NSMAF: variants seen among roughly 807,000 people sequenced by gnomAD.
The protein encoded by NSMAF is protein FAN.
A neutral mutation model predicts 134.9 loss-of-function variants in NSMAF; 90 were observed. The ratio of observed to expected loss-of-function variants is 0.67; its 90% CI spans 0.56 to 0.79. The LOEUF (loss-of-function observed/expected upper bound fraction) is 0.79. NSMAF is among the 30% of genes least tolerant of loss of function. The pLI is 0.00. For synonymous variants in NSMAF, 358 were observed against 389.6 expected (o/e 0.92, Z 0.96); for missense variants, 1,010 against 1,119.0 (o/e 0.90, Z 1.39).
chr8:58,625,218 C>T (rs1806898072), intron 6 of NSMAF, among the ~76,000 whole-genome samples: 1 of 152,202 alleles, frequency 6.6e-6, no homozygotes, highest in South Asian at 2.1e-4. Flanking sequence ...TTCAGACTTG[C>T]ATTCAGACTC....
intron 1 of NSMAF, among the ~76,000 whole-genome samples, chr8:58,655,972 T>C (rs1807698685): frequency 6.6e-6 from 1 of 152,066 alleles, no homozygotes; most frequent in East Asian, 1.9e-4. Context: ...GCACAGGACA[T>C]TTTTAAAAAA....
Position 58,586,102 on chromosome 8 carries a change from CG to C in NSMAF, c.2447-103del, listed in dbSNP as rs1335477093. The stretch of plus-strand genomic sequence containing the variant: ...AGTCCAGTGGCCTAATCTCCACATT[CG>C]TTTTCTTCAAAATCCTTGTACTTAA... On this transcript the variant is annotated intron_variant, in intron 28 of 30. Transcript: ENST00000038176. The C allele has an allele frequency of 6.6e-6, 6 of 904,604 alleles. No individual in the cohort carries two copies. In the East Asian group the frequency reaches 1.4e-4, roughly 22 times the overall value. 56.0% of individuals were successfully genotyped at this position (904,604 alleles called of 1,614,324 possible).
At chr8:58,639,083 C>G (rs151337681) in intron 2 of NSMAF, among the ~76,000 whole-genome samples, 4,118 of 152,068 alleles carry the variant, frequency 0.027, 204 homozygotes, top group African/African-American at 0.093. Context: ...AGGAGATCGA[C>G]ACCATCCTGG....
In NSMAF at chr8:58,585,693, A is replaced by G; in HGVS notation, c.2618T>C (p.Leu873Pro). 1 of 1,614,124 alleles carries G rather than the reference A, an allele frequency of 6.2e-7. No individual in the cohort carries two copies. Among genetic ancestry groups the G allele is most frequent in the Non-Finnish European group, 8.5e-7 (1 of 1,179,974 alleles). Residue 873 changes from leucine to proline, a missense_variant, in exon 30 of 31, where the codon CTC becomes CCC. By Grantham distance (98) the Leu-to-Pro change is moderately conservative. Coordinates refer to ENST00000038176, the MANE Select transcript of NSMAF (RefSeq NM_003580.4). ...TCTCTCACTGATTTTTGCTCCAAGG[A>G]GGTCCCAAACGAGCAGTTCACCAGA... Reference protein sequence around the residue: ...SQSGELLVWDLLGAKISERIQ... With the variant: ...SQSGELLVWDPLGAKISERIQ...
intron 2 of NSMAF, 50 bp from the exon 3 acceptor site, chr8:58,635,596 A>C: frequency 8.9e-7 from 1 of 1,126,220 alleles, no homozygotes; most frequent in Non-Finnish European, 1.3e-6. Flanking sequence ...CAAAAATCAC[A>C]AGATAATCAT....
chr8:58,639,995 AG>A (rs1294700390), intron 2 of NSMAF: 1 of 439,996 alleles, frequency 2.3e-6, no homozygotes, highest in Non-Finnish European at 4.6e-6. Flanking sequence ...GAAAGCTCAG[AG>A]CTTTGTTCAG....
At chr8:58,586,319 G>C in intron 28 of NSMAF, 139 bp downstream of exon 28, 1 of 828,370 alleles carries the variant, frequency 1.2e-6, no homozygotes, top group South Asian at 1.7e-5. Context: ...AGCAGTGTTA[G>C]CCATTGGCAA....
intron 1 of NSMAF, among the ~76,000 whole-genome samples, chr8:58,646,291 T>C (rs1408049719): frequency 6.6e-6 from 1 of 152,202 alleles, no homozygotes; most frequent in Non-Finnish European, 1.5e-5. Context: ...TACACATCCT[T>C]CCTTCTCTTT....
At chr8:58,652,611 G>A (rs774950372) in intron 1 of NSMAF, among the ~76,000 whole-genome samples, 1 of 152,166 alleles carries the variant, frequency 6.6e-6, no homozygotes, top group Non-Finnish European at 1.5e-5. Flanking sequence ...GAAGTCTGAA[G>A]TTGGCCCAGC....
intron 9 of NSMAF, among the ~76,000 whole-genome samples, chr8:58,620,796 G>A (rs1482097055): frequency 6.6e-6 from 1 of 152,174 alleles, no homozygotes. Context: ...AATAATTCCA[G>A]TTAGACCGAG....
intron 2 of NSMAF, among the ~76,000 whole-genome samples, chr8:58,636,711 G>A (rs1210705864): frequency 6.6e-6 from 1 of 152,220 alleles, no homozygotes; most frequent in Non-Finnish European, 1.5e-5. Context: ...AAATGGGAAT[G>A]CCTGTGTTCC....
chr8:58,613,318 C>T (rs1806573772), intron 9 of NSMAF, among the ~76,000 whole-genome samples: 1 of 152,002 alleles, frequency 6.6e-6, no homozygotes, highest in African/African-American at 2.4e-5. Flanking sequence ...AAGATAAGAT[C>T]ATAACAGGCA....
chr8:58,612,530 G>A (rs1806552909), intron 9 of NSMAF, among the ~76,000 whole-genome samples: 1 of 152,042 alleles, frequency 6.6e-6, no homozygotes, highest in African/African-American at 2.4e-5. Context: ...CAAGTTCTGT[G>A]AGCCATTCTA....
chr8:58,595,260 C>T (rs1806110700), intron 22 of NSMAF, among the ~76,000 whole-genome samples: 1 of 152,130 alleles, frequency 6.6e-6, no homozygotes, highest in East Asian at 1.9e-4. Context: ...GAGCTGTGTA[C>T]TCCAATTTGA....
intron 6 of NSMAF, among the ~76,000 whole-genome samples, chr8:58,629,312 G>C (rs1489931472): frequency 6.6e-6 from 1 of 152,028 alleles, no homozygotes; most frequent in East Asian, 1.9e-4. Flanking sequence ...TTTATAGTCT[G>C]TGCTGAACTC....
chr8:58,640,245 T>G, intron 2 of NSMAF: 1 of 265,524 alleles, frequency 3.8e-6, no homozygotes, highest in Non-Finnish European at 7.8e-6. Context: ...GATAATTACT[T>G]TGATTGTGGT....
At chr8:58,592,470 T>C (rs930861978) in intron 23 of NSMAF, among the ~76,000 whole-genome samples, 3 of 152,230 alleles carry the variant, frequency 2.0e-5, no homozygotes, top group East Asian at 1.9e-4. Flanking sequence ...ACATACTGTA[T>C]ACTAGAAGAA....
At chr8:58,639,741 G>GAT (rs982379082) in intron 2 of NSMAF, among the ~76,000 whole-genome samples, 7 of 151,834 alleles carry the variant, frequency 4.6e-5, no homozygotes, top group African/African-American at 1.2e-4. Flanking sequence ...AAGAAAATAT[G>GAT]ATATATATAT....
chr8:58,621,501 A>G (rs28886919), intron 9 of NSMAF, among the ~76,000 whole-genome samples: 47,244 of 152,088 alleles, frequency 0.31, 7,758 homozygotes, highest in Non-Finnish European at 0.36. Flanking sequence ...GTCAAATGGT[A>G]GCTCTGTTTT....
Sources: allele counts gnomAD v4.1 joint callset (sites outside exome capture counted in the v4.1 genomes callset), GRCh38; gene constraint gnomAD v4.1.1; transcripts MANE v1.5; gene names NCBI Gene and HGNC (gene_info 2026-07-23, HGNC 2026-07-21).